The following TRIO variants were observed in gnomAD, a reference collection of about 807,000 sequenced individuals.
The protein encoded by TRIO is triple functional domain protein.
In TRIO, 58 loss-of-function variants were observed where a neutral mutation model predicts 351.9. The observed-to-expected ratio is 0.16, with a 90% CI of 0.13 to 0.21. TRIO has a LOEUF of 0.21. TRIO is among the 10% of genes least tolerant of loss of function. The pLI is 1.00. For missense variants in TRIO, 3,201 were observed against 4,027.8 expected (o/e 0.79, Z 5.56); for synonymous variants, 1,758 against 1,595.7 (o/e 1.10, Z -2.42).
chr5:14,280,612 C>A (rs1035334426), intron 3 of TRIO, among the ~76,000 whole-genome samples, 176 bp downstream of exon 3: 1 of 152,092 alleles, frequency 6.6e-6, no homozygotes, highest in African/African-American at 2.4e-5. Context: ...TAGTGTAAAG[C>A]CCTTTGGGGA....
Position 14,492,873 on chromosome 5 carries a change from C to T in TRIO, c.7880+59C>T, listed in dbSNP as rs988460947. 30 of 1,591,398 alleles carry T rather than the reference C, an allele frequency of 1.9e-5. 1 individual carries two copies. In the Middle Eastern group the frequency reaches 6.1e-4, roughly 33 times the overall value. On this transcript the variant is annotated intron_variant, in intron 49 of 56. Coordinates refer to ENST00000344204, the MANE Select transcript of TRIO (RefSeq NM_007118.4). ...CAGCAGAGGGAGGGGGCACAGCACC[C>T]GTGAGGCACACGACCTCAGACGGGG...
intron 27 of TRIO, among the ~76,000 whole-genome samples, chr5:14,393,416 C>T (rs897846020): frequency 6.6e-6 from 1 of 152,158 alleles, no homozygotes; most frequent in East Asian, 1.9e-4. Context: ...AACATGTCTT[C>T]AAGAATAAGA....
intron 53 of TRIO, among the ~76,000 whole-genome samples, chr5:14,500,050 C>CAAAA (rs35276206): frequency 5.5e-5 from 5 of 91,126 alleles, no homozygotes; most frequent in Admixed American, 3.2e-4. Flanking sequence ...GACTCTGTCT[C>CAAAA]AAAAAAAAAA....
chr5:14,464,207 C>T (rs989261689), intron 36 of TRIO, among the ~76,000 whole-genome samples: 12 of 152,158 alleles, frequency 7.9e-5, no homozygotes, highest in Non-Finnish European at 1.8e-4. Context: ...TTTTGTAATA[C>T]GCTAAGCCAT....
At chr5:14,302,182 A>AT (rs1270493619) in intron 7 of TRIO, among the ~76,000 whole-genome samples, 1 of 152,158 alleles carries the variant, frequency 6.6e-6, no homozygotes, top group Admixed American at 6.5e-5. Context: ...TACTTTAATG[A>AT]TTTTGATATA....
chr5:14,304,427 A>G (rs1738183824), intron 7 of TRIO, 34 bp from the exon 8 acceptor site: 7 of 1,587,964 alleles, frequency 4.4e-6, no homozygotes, highest in Admixed American at 1.9e-5. Context: ...ATAAATTGTC[A>G]TTGATAGAAA....
At chr5:14,389,548 C>A in intron 25 of TRIO, 150 bp downstream of exon 25, 1 of 563,938 alleles carries the variant, frequency 1.8e-6, no homozygotes. Flanking sequence ...TCCAAAAAGA[C>A]TGACATTCTA....
At chr5:14,268,108 T>A (rs1288046226) in intron 1 of TRIO, among the ~76,000 whole-genome samples, 1 of 152,202 alleles carries the variant, frequency 6.6e-6, no homozygotes. Flanking sequence ...GGGGGGAAAC[T>A]GAGGGACCAA....
chr5:14,225,792 A>ACCGC (rs796302780), intron 1 of TRIO, among the ~76,000 whole-genome samples: 2 of 78,114 alleles, frequency 2.6e-5, no homozygotes, highest in African/African-American at 1.0e-4. Flanking sequence ...CACTGCTCCC[A>ACCGC]CCCCCCCCCC....
chr5:14,420,141 C>T (rs1579603057), intron 34 of TRIO, 120 bp downstream of exon 34: 1 of 1,442,074 alleles, frequency 6.9e-7, no homozygotes, highest in Non-Finnish European at 9.4e-7. Context: ...GTGCCTTCAG[C>T]ACATGGTCAC....
intron 1 of TRIO, among the ~76,000 whole-genome samples, chr5:14,254,012 A>G (rs1307744436): frequency 1.3e-5 from 2 of 151,832 alleles, no homozygotes; most frequent in Non-Finnish European, 2.9e-5. Context: ...TTAATATGTA[A>G]TGAATTTATT....
At chr5:14,229,093 A>G (rs1331567424) in intron 1 of TRIO, among the ~76,000 whole-genome samples, 1 of 152,204 alleles carries the variant, frequency 6.6e-6, no homozygotes, top group African/African-American at 2.4e-5. Flanking sequence ...TATGATATAT[A>G]TAGATTTATT....
chr5:14,377,622 T>C (rs1246015667), intron 19 of TRIO, among the ~76,000 whole-genome samples: 2 of 151,052 alleles, frequency 1.3e-5, no homozygotes, highest in Non-Finnish European at 3.0e-5. Flanking sequence ...TTAATCTGTA[T>C]AAAAGTCCAT....
intron 11 of TRIO, among the ~76,000 whole-genome samples, chr5:14,337,414 G>A (rs1331395295): frequency 2.0e-5 from 3 of 152,200 alleles, no homozygotes; most frequent in Non-Finnish European, 4.4e-5. Context: ...GAGTAGGGAT[G>A]TCAACTTACC....
chr5:14,247,182 G>C (rs1260463969), intron 1 of TRIO, among the ~76,000 whole-genome samples: 1 of 152,232 alleles, frequency 6.6e-6, no homozygotes, highest in African/African-American at 2.4e-5. Flanking sequence ...GTGTTAGCCT[G>C]TGTGGTCCCT....
At chr5:14,292,495 T>A (rs753060007) in intron 5 of TRIO, among the ~76,000 whole-genome samples, 5 of 152,260 alleles carry the variant, frequency 3.3e-5, no homozygotes, top group African/African-American at 1.2e-4. Context: ...CCACCTTTTT[T>A]ATAGTAAATT....
intron 34 of TRIO, among the ~76,000 whole-genome samples, chr5:14,447,225 G>A (rs1274713407): frequency 2.6e-5 from 4 of 152,138 alleles, no homozygotes; most frequent in Non-Finnish European, 5.9e-5. Flanking sequence ...CAGCGAGACT[G>A]TCCCATAAAT....
chr5:14,367,373 T>A (rs1453899994), intron 16 of TRIO, among the ~76,000 whole-genome samples: 1 of 152,182 alleles, frequency 6.6e-6, no homozygotes, highest in Non-Finnish European at 1.5e-5. Flanking sequence ...CTTAAGCACA[T>A]TTCTGCTATG....
intron 1 of TRIO, among the ~76,000 whole-genome samples, chr5:14,248,937 T>C (rs1794592629): frequency 6.6e-6 from 1 of 152,172 alleles, no homozygotes; most frequent in South Asian, 2.1e-4. Flanking sequence ...TGGTGATCTC[T>C]CTCACCAGAC....
Sources: allele counts gnomAD v4.1 joint callset (sites outside exome capture counted in the v4.1 genomes callset), GRCh38; gene constraint gnomAD v4.1.1; transcripts MANE v1.5; gene names NCBI Gene and HGNC (gene_info 2026-07-23, HGNC 2026-07-21).